Variants in ACSF3 observed in about 807,000 individuals in gnomAD.
The protein encoded by ACSF3 is acyl-CoA synthetase family member 3.
In ACSF3, 78 loss-of-function variants were observed where a neutral mutation model predicts 53.2. The ratio of observed to expected loss-of-function variants is 1.47; its 90% CI spans 1.22 to 1.77. ACSF3 has a LOEUF of 1.77. Among genes scored for constraint, ACSF3 ranks in the 40% most tolerant of loss-of-function variants. ACSF3 has a pLI of 0.00. For missense variants in ACSF3, 937 were observed against 771.1 expected (o/e 1.22, Z -2.55); for synonymous variants, 414 against 333.1 (o/e 1.24, Z -2.65).
chr16:89,121,460 G>T (rs1055675953), intron 7 of ACSF3, among the ~76,000 whole-genome samples: 2 of 152,226 alleles, frequency 1.3e-5, no homozygotes, highest in Non-Finnish European at 2.9e-5. Flanking sequence ...AAGCTGACAA[G>T]GGTGAACAAG....
At position 89,095,992 on chromosome 16, in the gene ACSF3, G is replaced by A. The variant is rs991193393; in HGVS notation, c.-194+1996G>A. Among the ~76,000 whole-genome samples the A allele has an allele frequency of 3.9e-4, 59 of 152,322 alleles. 2 individuals are homozygous for A. The highest frequency in any genetic ancestry group is 6.8e-3 in the Middle Eastern group (2 of 294). On this transcript the variant is annotated intron_variant, in intron 1 of 10. Transcript: ENST00000614302. The stretch of plus-strand genomic sequence containing the variant: ...CCCGCTGCGCTGCATGTGTGTTCCC[G>A]AGAAGCCCCAGTGCCTTAGTGGTCT...
intron 7 of ACSF3, among the ~76,000 whole-genome samples, chr16:89,122,011 C>CTGTGG: frequency 1.3e-5 from 2 of 151,536 alleles, no homozygotes; most frequent in African/African-American, 2.4e-5. Flanking sequence ...GCTGTTATCC[C>CTGTGG]CCGTGGCCCT....
rs1029989344 is a variant in ACSF3, at chr16:89,120,725, C to T, written c.1127-76C>T. On this transcript the variant is annotated intron_variant, in intron 6 of 10. Coordinates refer to ENST00000614302, the MANE Select transcript of ACSF3 (RefSeq NM_001243279.3). The stretch of plus-strand genomic sequence containing the variant: ...TGGCACACGGGAGCTCAGCGGGATC[C>T]GAGCTCAGTGTGTGCTTCTCTCCTC... 25 of 1,410,424 alleles carry T rather than the reference C, an allele frequency of 1.8e-5. No individual in the cohort carries two copies. The African/African-American group carries it at 2.0e-4, about 11-fold the overall frequency. 87.4% of individuals were successfully genotyped at this position (1,410,424 alleles called of 1,614,324 possible).
chr16:89,153,975 G>C, intron 10 of ACSF3, 115 bp from the exon 11 acceptor site: 1 of 1,105,350 alleles, frequency 9.0e-7, no homozygotes, highest in African/African-American at 1.5e-5. Flanking sequence ...GATGGCCGAG[G>C]CGCCTGGCAA....
At chr16:89,152,907 G>A (rs919068838) in intron 10 of ACSF3, 8 of 152,160 alleles carry the variant, frequency 5.3e-5, no homozygotes, top group Admixed American at 2.6e-4. Flanking sequence ...AGAAAAATGC[G>A]ATTTGGAAAT....
At position 89,154,104 on chromosome 16, in the gene ACSF3, C is replaced by T. The variant is rs767244317; in HGVS notation, c.1628C>T (p.Pro543Leu). ...TGTCTCTGCAGAAATGTCCTGGCCC[C>T]GTACGCGGTGCCCTCGGAGCTGGTG... ...LKEWARNVLA[P>L]YAVPSELVLV... The change falls in exon 11 of 11, where the codon CCG (proline) becomes CTG (leucine). Residue 543 changes from proline (P) to leucine (L), a missense_variant. Transcript: ENST00000614302. The T allele has an allele frequency of 9.3e-6, 15 of 1,612,808 alleles. No homozygotes were observed. The highest frequency in any genetic ancestry group is 7.7e-5 in the South Asian group (7 of 90,740).
At chr16:89,127,253 C>T (rs1232602586) in intron 7 of ACSF3, among the ~76,000 whole-genome samples, 1 of 151,784 alleles carries the variant, frequency 6.6e-6, no homozygotes, top group Non-Finnish European at 1.5e-5. Context: ...AGTGTTCTCT[C>T]CTCTTTTTTT....
chr16:89,136,715 C>T lies in ACSF3; in HGVS notation c.1366+3453C>T, dbSNP rs1473201792. ...CCAGCTTTGATGCCAGCCGCTCCTG[C>T]CTCCCCCACCTGCCTCTGTGCCTAC... is the stretch of plus-strand genomic sequence containing the variant. On this transcript the variant is annotated intron_variant, in intron 8 of 10. Transcript: ENST00000614302. The T allele has an allele frequency of 1.1e-5, 14 of 1,287,252 alleles. No homozygotes were observed. The South Asian group carries it at 1.2e-4, about 11-fold the overall frequency. The allele number at this position is 1,287,252 out of a possible 1,614,324, so 79.7% of individuals were successfully genotyped here. A position where few individuals can be genotyped will look rare whatever the true frequency, so the allele number is the denominator to read the frequency against.
chr16:89,098,436 G>A (rs4782462), intron 1 of ACSF3, among the ~76,000 whole-genome samples, 155 bp from the exon 2 acceptor site: 111,904 of 151,838 alleles, frequency 0.74, 41,768 homozygotes, highest in Admixed American at 0.79. Flanking sequence ...ACTGCTGCCC[G>A]TTGTCGGGAG....
At chr16:89,095,930 A>G (rs1453253596) in intron 1 of ACSF3, among the ~76,000 whole-genome samples, 2 of 152,204 alleles carry the variant, frequency 1.3e-5, no homozygotes, top group Non-Finnish European at 2.9e-5. Flanking sequence ...TAACTCTGCC[A>G]TTAACCAGCA....
intron 8 of ACSF3, chr16:89,141,179 A>T (rs960928512): frequency 7.8e-7 from 1 of 1,287,096 alleles, no homozygotes; most frequent in Non-Finnish European, 1.0e-6. Context: ...CTTTGTTTAA[A>T]CCCTGGCTCC....
At chr16:89,099,176 G>T (rs1252308687) in intron 2 of ACSF3, among the ~76,000 whole-genome samples, 1 of 152,232 alleles carries the variant, frequency 6.6e-6, no homozygotes, top group African/African-American at 2.4e-5. Context: ...TGTGCCCCTG[G>T]CCTGTGTCCG....
Position 89,145,289 on chromosome 16 carries a change from T to A in ACSF3, c.1389T>A (p.Asp463Glu). The A allele has an allele frequency of 3.1e-6, 5 of 1,614,054 alleles. No individual in the cohort carries two copies. The South Asian group carries it at 5.5e-5, about 18-fold the overall frequency. Residue 463 changes from aspartate to glutamate, a missense_variant, in exon 9 of 11, where the codon GAT becomes GAA. By Grantham distance (45) the Asp-to-Glu change is conservative. Transcript: ENST00000614302. ...CAGGGGACACCGTGGTGTTTAAGGATGGCCAGTACTGGATCCGAGGCCGGA... is the reference window on the plus strand; with the variant it reads ...CAGGGGACACCGTGGTGTTTAAGGAAGGCCAGTACTGGATCCGAGGCCGGA... Reference protein sequence around the residue: ...FKTGDTVVFKDGQYWIRGRTS... With the variant: ...FKTGDTVVFKEGQYWIRGRTS...
At chr16:89,128,249 A>C (rs12103007) in intron 7 of ACSF3, among the ~76,000 whole-genome samples, 1 of 149,144 alleles carries the variant, frequency 6.7e-6, no homozygotes, top group Non-Finnish European at 1.5e-5. Context: ...ATATATATAT[A>C]TTTTTTTCTT....
At chr16:89,151,324 A>G in intron 10 of ACSF3, 1 of 414,078 alleles carries the variant, frequency 2.4e-6, no homozygotes, top group Non-Finnish European at 4.8e-6. Flanking sequence ...CATTGAAGGC[A>G]AAAAATAAAA....
rs1299524446 is a variant in ACSF3, at chr16:89,100,742, C to A, written c.61C>A (p.Leu21Met). 2 of 1,605,666 alleles carry A rather than the reference C, an allele frequency of 1.2e-6. No individual in the cohort carries two copies. The highest frequency in any genetic ancestry group is 2.2e-5 in the South Asian group (2 of 91,056). ...RLGCALASCR[L>M]APARHRGSGL... The stretch of plus-strand genomic sequence containing the variant: ...GGGCTGCGCCTTGGCGTCCTGCCGG[C>A]TGGCGCCTGCGAGACACAGAGGAAG... Residue 21 changes from leucine (L) to methionine (M), a missense_variant, in exon 3 of 11, where the codon CTG (leucine) becomes ATG (methionine). By Grantham distance (15) the Leu-to-Met change is conservative. Coordinates refer to ENST00000614302, the MANE Select transcript of ACSF3 (RefSeq NM_001243279.3).
intron 4 of ACSF3, among the ~76,000 whole-genome samples, chr16:89,108,301 A>G (rs1396846721): frequency 6.6e-6 from 1 of 152,160 alleles, no homozygotes; most frequent in Non-Finnish European, 1.5e-5. Flanking sequence ...GTCCCTACAG[A>G]GGTTCTCCGC....
intron 7 of ACSF3, among the ~76,000 whole-genome samples, chr16:89,132,798 C>A (rs1318555977): frequency 6.6e-6 from 1 of 152,264 alleles, no homozygotes; most frequent in Non-Finnish European, 1.5e-5. Flanking sequence ...CCAGCCCAGG[C>A]TCTGAGTGCT....
At chr16:89,143,269 G>A (rs557043495) in intron 8 of ACSF3, among the ~76,000 whole-genome samples, 3 of 152,280 alleles carry the variant, frequency 2.0e-5, no homozygotes, top group South Asian at 2.1e-4. Context: ...AGTAACTGTG[G>A]TGCATCCTTG....
Sources: gnomAD v4.1 joint callset for allele counts (sites outside exome capture counted in the v4.1 genomes callset) on GRCh38, gnomAD v4.1.1 for gene constraint, MANE v1.5 for transcripts, NCBI Gene and HGNC (gene_info 2026-07-23, HGNC 2026-07-21) for gene names.